Variants in PLA2G4A observed in about 807,000 individuals in gnomAD.
PLA2G4A encodes cytosolic phospholipase A2.
Under a neutral mutation model 81.9 loss-of-function variants are expected in PLA2G4A, and 40 were observed. That is an observed-to-expected ratio of 0.49 (90% confidence interval 0.38 to 0.64). PLA2G4A has a LOEUF of 0.64. PLA2G4A is among the 30% of genes least tolerant of loss of function. PLA2G4A has a pLI of 0.00. For missense variants in PLA2G4A, 715 were observed against 905.1 expected (o/e 0.79, Z 2.69); for synonymous variants, 302 against 296.9 (o/e 1.02, Z -0.18).
rs1651555874 is a variant in PLA2G4A, at chr1:186,830,983, TTTCTTTCTTTC to T, written c.-70+1951_-70+1961del. Among the ~76,000 whole-genome samples the T allele has an allele frequency of 7.9e-5, 11 of 139,896 alleles. No individual in the cohort carries two copies. The South Asian group carries it at 2.3e-3, about 29-fold the overall frequency. 91.8% of individuals were successfully genotyped at this position (139,896 alleles called of 152,430 possible). On this transcript the variant is annotated intron_variant, in intron 1 of 17. Coordinates refer to ENST00000367466, the MANE Select transcript of PLA2G4A (RefSeq NM_024420.3). ...CTTTCTTTCTTTCTTTCTTTCTTTC[TTTCTTTCTTTC>T]TTTCTTTCTTTCTTTCTTTCTTTCT...
intron 14 of PLA2G4A, 89 bp downstream of exon 14, chr1:186,956,433 T>TA (rs1203508327): frequency 8.7e-7 from 1 of 1,150,342 alleles, no homozygotes; most frequent in African/African-American, 1.5e-5. Context: ...TATTAACACT[T>TA]ACTCATTTAT....
At chr1:186,939,921 C>T in intron 9 of PLA2G4A, 59 bp from the exon 10 acceptor site, 1 of 813,688 alleles carries the variant, frequency 1.2e-6, no homozygotes, top group African/African-American at 1.7e-5. Flanking sequence ...TTTTGAATAG[C>T]ATTCTTTCTG....
chr1:186,987,279 G>A (rs1172837439), intron 17 of PLA2G4A, among the ~76,000 whole-genome samples: 1 of 152,280 alleles, frequency 6.6e-6, no homozygotes, highest in Non-Finnish European at 1.5e-5. Context: ...GCATCTCCAA[G>A]GCCAAGTGGG....
At chr1:186,851,557 A>G (rs188068562) in intron 1 of PLA2G4A, among the ~76,000 whole-genome samples, 1 of 152,060 alleles carries the variant, frequency 6.6e-6, no homozygotes, top group Non-Finnish European at 1.5e-5. Context: ...GCACGAAAAC[A>G]TCAGCCATAC....
At chr1:186,837,437 A>G (rs1651817949) in intron 1 of PLA2G4A, among the ~76,000 whole-genome samples, 1 of 152,022 alleles carries the variant, frequency 6.6e-6, no homozygotes, top group Admixed American at 6.5e-5. Flanking sequence ...TCCAGTTGAA[A>G]GTAAAATTTG....
intron 7 of PLA2G4A, among the ~76,000 whole-genome samples, chr1:186,916,972 A>G (rs1030179478): frequency 4.6e-5 from 7 of 152,148 alleles, no homozygotes; most frequent in Admixed American, 3.3e-4. Context: ...TGACTGGAGC[A>G]GGGCTTGTCG....
At chr1:186,841,545 G>T (rs975751836) in intron 1 of PLA2G4A, among the ~76,000 whole-genome samples, 4 of 152,062 alleles carry the variant, frequency 2.6e-5, no homozygotes, top group Admixed American at 2.0e-4. Flanking sequence ...ACTTGGTGAG[G>T]TTTATTTATA....
intron 3 of PLA2G4A, among the ~76,000 whole-genome samples, chr1:186,888,391 G>C (rs929363911): frequency 2.0e-5 from 3 of 152,030 alleles, no homozygotes; most frequent in Non-Finnish European, 4.4e-5. Context: ...TTCCCATCTG[G>C]TGCCTTCCAA....
chr1:186,856,971 T>C (rs1652575280), intron 2 of PLA2G4A, among the ~76,000 whole-genome samples: 1 of 147,602 alleles, frequency 6.8e-6, no homozygotes, highest in African/African-American at 2.5e-5. Flanking sequence ...TTTCAAAAAA[T>C]ATGATTATTT....
intron 3 of PLA2G4A, among the ~76,000 whole-genome samples, chr1:186,881,822 G>A (rs1158571072): frequency 1.3e-5 from 2 of 151,978 alleles, no homozygotes; most frequent in East Asian, 3.9e-4. Context: ...TGATAAAGGT[G>A]ACCTGTTCCA....
At chr1:186,937,208 C>T (rs777522299) in intron 8 of PLA2G4A, among the ~76,000 whole-genome samples, 1 of 151,112 alleles carries the variant, frequency 6.6e-6, no homozygotes, top group Non-Finnish European at 1.5e-5. Context: ...TTCTGTTTCT[C>T]GCCAGGGTTT....
At chr1:186,858,669 A>G (rs550204229) in intron 2 of PLA2G4A, among the ~76,000 whole-genome samples, 2 of 152,190 alleles carry the variant, frequency 1.3e-5, no homozygotes, top group South Asian at 4.1e-4. Flanking sequence ...TTTGTTAACT[A>G]TAGCAACATA....
intron 5 of PLA2G4A, among the ~76,000 whole-genome samples, chr1:186,901,623 C>T (rs998827075): frequency 3.3e-5 from 5 of 152,138 alleles, no homozygotes; most frequent in Non-Finnish European, 7.4e-5. Flanking sequence ...GGTAGTAATG[C>T]TTTAGGAACT....
chr1:186,853,270 AT>A (rs1166246582), intron 1 of PLA2G4A, among the ~76,000 whole-genome samples: 1 of 151,822 alleles, frequency 6.6e-6, no homozygotes, highest in Non-Finnish European at 1.5e-5. Flanking sequence ...TTAAAAAAAA[AT>A]TTAAATCCTC....
intron 8 of PLA2G4A, among the ~76,000 whole-genome samples, chr1:186,933,172 G>C (rs182104323): frequency 6.6e-6 from 1 of 152,204 alleles, no homozygotes; most frequent in Admixed American, 6.5e-5. Context: ...ATTGAAAATA[G>C]TTCTAGATAA....
At chr1:186,919,852 G>A (rs543540851) in intron 7 of PLA2G4A, among the ~76,000 whole-genome samples, 30 of 152,308 alleles carry the variant, frequency 2.0e-4, no homozygotes, top group Non-Finnish European at 3.1e-4. Flanking sequence ...TGTACTGGCT[G>A]GTAGTCCTTG....
chr1:186,889,773 A>ACCT (rs10634937), intron 3 of PLA2G4A, among the ~76,000 whole-genome samples: 146,337 of 152,026 alleles, frequency 0.96, 70,448 homozygotes, highest in East Asian at 1. Flanking sequence ...TTTTGTTTAG[A>ACCT]CCTCTGTACT....
At chr1:186,939,519 A>T (rs1245039016) in intron 9 of PLA2G4A, among the ~76,000 whole-genome samples, 1 of 149,254 alleles carries the variant, frequency 6.7e-6, no homozygotes, top group African/African-American at 2.4e-5. Context: ...AAAAATTCAC[A>T]TTTTAACCCT....
At chr1:186,937,802 T>C (rs1656007789) in intron 8 of PLA2G4A, among the ~76,000 whole-genome samples, 2 of 151,908 alleles carry the variant, frequency 1.3e-5, no homozygotes, top group South Asian at 4.1e-4. Flanking sequence ...CTGGGGAATA[T>C]GAGCATGTTA....
Sources: gnomAD v4.1 joint callset for allele counts (sites outside exome capture counted in the v4.1 genomes callset) on GRCh38, gnomAD v4.1.1 for gene constraint, MANE v1.5 for transcripts, NCBI Gene and HGNC (gene_info 2026-07-23, HGNC 2026-07-21) for gene names.